NALF2: variants seen among roughly 807,000 people sequenced by gnomAD.
NALF2 encodes the protein bB57D9.1 (TED protein).
In NALF2, 1 loss-of-function variant was observed where a neutral mutation model predicts 24.8. That is an observed-to-expected ratio of 0.04 (90% CI 0.01 to 0.19). The LOEUF is 0.19. Ranked by LOEUF, NALF2 falls within the 10% of genes least tolerant of loss-of-function variation. The probability of loss-of-function intolerance (pLI) is 1.00; values close to 1 mark genes in which losing one functional copy is unlikely to be tolerated. For missense variants in NALF2, 458 were observed against 409.6 expected (o/e 1.12, Z -1.02); for synonymous variants, 254 against 189.8 (o/e 1.34, Z -2.78).
chrX:69,528,390 G>A (rs1277095015), intron 1 of NALF2, among the ~76,000 whole-genome samples: 2 of 111,765 alleles, frequency 1.8e-5, no homozygotes, highest in African/African-American at 6.5e-5. Context: ...CACATGTGTT[G>A]CCTGGTAAGG....
chrX:69,521,664 G>C (rs1930736647), intron 1 of NALF2, among the ~76,000 whole-genome samples: 1 of 112,163 alleles, frequency 8.9e-6, no homozygotes, highest in Non-Finnish European at 1.9e-5. Flanking sequence ...TACTAAAAGT[G>C]AAAAACAGAA....
chrX:69,507,864 A>C (rs977056989), intron 1 of NALF2, among the ~76,000 whole-genome samples: 1 of 111,088 alleles, frequency 9.0e-6, no homozygotes, highest in African/African-American at 3.3e-5. Flanking sequence ...CTCAATCACC[A>C]GTATGAATGA....
At position 69,531,235 on chromosome X, in the gene NALF2, C is replaced by T. The variant is rs975036812; in HGVS notation, c.*1279C>T. ...GCAGGGTCTTCTGCTCCAGTCACCC[C>T]GGCCTCTTGCAAGAGAAAGTCCAGG... On this transcript the variant is annotated 3_prime_UTR_variant, in exon 3 of 3. Coordinates refer to ENST00000252338, the MANE Select transcript of NALF2 (RefSeq NM_015686.3). The T allele has an allele frequency of 4.4e-5, 5 of 113,062 alleles. No homozygotes were observed. The highest frequency in any genetic ancestry group is 1.9e-4 in the Admixed American group (2 of 10,747). 9.3% of individuals were successfully genotyped at this position (113,062 alleles called of 1,213,427 possible). A position where few individuals can be genotyped will look rare whatever the true frequency, so the allele number is the denominator to read the frequency against.
At chrX:69,506,468 C>T (rs1171981876) in intron 1 of NALF2, among the ~76,000 whole-genome samples, 2 of 113,272 alleles carry the variant, frequency 1.8e-5, no homozygotes, top group Non-Finnish European at 3.7e-5. Flanking sequence ...ATTGTGCTCC[C>T]CCCAGCCTCC....
chrX:69,522,806 C>A (rs1930751300), intron 1 of NALF2, among the ~76,000 whole-genome samples: 2 of 112,104 alleles, frequency 1.8e-5, no homozygotes, highest in Non-Finnish European at 3.8e-5. Flanking sequence ...GAGGGGGTTC[C>A]TCACACACTT....
intron 2 of NALF2, 33 bp downstream of exon 2, chrX:69,529,197 G>C: frequency 8.4e-7 from 1 of 1,183,726 alleles, no homozygotes; most frequent in Non-Finnish European, 1.1e-6. Context: ...GAGGGAGGAG[G>C]CCGGGGGCCC....
chrX:69,506,603 G>T (rs1315364268), intron 1 of NALF2, among the ~76,000 whole-genome samples: 1 of 113,210 alleles, frequency 8.8e-6, no homozygotes, highest in Non-Finnish European at 1.9e-5. Context: ...TCACCCTTTG[G>T]CTTCTGCCAG....
rs1461167152 is a variant in NALF2 at position 69,506,082 on chromosome X, T to G, written c.800T>G (p.Val267Gly). The G allele has an allele frequency of 8.3e-7, 1 of 1,209,792 alleles. No homozygotes were observed. The highest frequency in any genetic ancestry group is 1.1e-6 in the Non-Finnish European group (1 of 894,385). ...AQEKYDEFDL[V>G]LHKYLQAEEY... The stretch of plus-strand genomic sequence containing the variant: ...GAAAAATATGACGAGTTCGACCTCG[T>G]GCTGCATAAATACTTACAGGCGGAA... The change falls in exon 1 of 3, where the codon GTG becomes GGG. Residue 267 changes from valine (V) to glycine (G), a missense_variant. Physicochemically the swap from Val to Gly is moderately radical, Grantham distance 109. Coordinates refer to ENST00000252338, the MANE Select transcript of NALF2 (RefSeq NM_015686.3).
At chrX:69,529,506 C>G in intron 2 of NALF2, 65 bp from the exon 3 acceptor site, 4 of 1,143,179 alleles carry the variant, frequency 3.5e-6, no homozygotes, top group Non-Finnish European at 4.6e-6. Context: ...GAAACTTGCT[C>G]CCTAGGTAAG....
Position 69,530,535 on chromosome X carries a change from C to T in NALF2, c.*579C>T, listed in dbSNP as rs1930888738. On this transcript the variant is annotated 3_prime_UTR_variant, in exon 3 of 3. Transcript: ENST00000252338. ...GAGGTGCACACAGTTGCAGCTAGGT[C>T]GGGGCCCCAGTTAAGCTGTGCCCCA... The T allele has an allele frequency of 8.8e-6, 1 of 113,070 alleles. No homozygotes were observed. Among genetic ancestry groups the T allele is most frequent in the African/African-American group, 3.2e-5 (1 of 30,873 alleles). 9.3% of individuals were successfully genotyped at this position (113,070 alleles called of 1,213,427 possible).
At chrX:69,521,549 C>T (rs772437294) in intron 1 of NALF2, among the ~76,000 whole-genome samples, 3 of 112,115 alleles carry the variant, frequency 2.7e-5, no homozygotes, top group Admixed American at 9.4e-5. Context: ...CTACCTCAAA[C>T]GTGCTCAGAA....
At chrX:69,512,453 G>A (rs1930598604) in intron 1 of NALF2, among the ~76,000 whole-genome samples, 1 of 111,607 alleles carries the variant, frequency 9.0e-6, no homozygotes, top group South Asian at 3.8e-4. Flanking sequence ...GCTCCTGCTC[G>A]AATGCATTCT....
intron 1 of NALF2, among the ~76,000 whole-genome samples, chrX:69,522,848 G>A (rs1930752144): frequency 8.9e-6 from 1 of 112,457 alleles, no homozygotes; most frequent in Admixed American, 9.4e-5. Context: ...GTACAAAGAG[G>A]CATCAGGTTA....
chrX:69,514,572 G>C lies in NALF2; in HGVS notation c.861+8429G>C, dbSNP rs983415865. ...GAGTCCCTGCTTTCATTTCTTTTGG[G>C]TTTATATTAATACCTAGGAGTAGAA... On this transcript the variant is annotated intron_variant, in intron 1 of 2. Coordinates refer to ENST00000252338, the MANE Select transcript of NALF2 (RefSeq NM_015686.3). 8.1e-5 allele frequency among the ~76,000 whole-genome samples: 9 copies of C among 111,224 alleles called. 1 individual carries two copies. Among genetic ancestry groups the C allele is most frequent in the Non-Finnish European group, 1.7e-4 (9 of 53,001 alleles).
At chrX:69,513,770 T>C (rs1328363618) in intron 1 of NALF2, among the ~76,000 whole-genome samples, 1 of 111,199 alleles carries the variant, frequency 9.0e-6, no homozygotes, top group African/African-American at 3.3e-5. Flanking sequence ...ACATAAAATA[T>C]ACCATTTCAA....
intron 1 of NALF2, 26 bp from the exon 2 acceptor site, chrX:69,528,967 G>A: frequency 2.5e-6 from 3 of 1,190,758 alleles, no homozygotes; most frequent in Non-Finnish European, 3.4e-6. Flanking sequence ...TGGCACATGG[G>A]CTGATGCTCT....
intron 1 of NALF2, among the ~76,000 whole-genome samples, chrX:69,512,119 G>A (rs1307725856): frequency 8.9e-6 from 1 of 111,733 alleles, no homozygotes; most frequent in African/African-American, 3.3e-5. Context: ...AAAGCCAGGG[G>A]TGGCCCCTGC....
In NALF2 at chrX:69,531,158, CTA is replaced by C. The variant is rs995343430; in HGVS notation, c.*1204_*1205del. 2.7e-5 allele frequency: 3 copies of C among 112,743 alleles called. No individual in the cohort carries two copies. Among genetic ancestry groups the C allele is most frequent in the African/African-American group, 9.7e-5 (3 of 30,911 alleles). 9.3% of individuals were successfully genotyped at this position (112,743 alleles called of 1,213,427 possible). A position where few individuals can be genotyped will look rare whatever the true frequency, so the allele number is the denominator to read the frequency against. On this transcript the variant is annotated 3_prime_UTR_variant, in exon 3 of 3. Coordinates refer to ENST00000252338, the MANE Select transcript of NALF2 (RefSeq NM_015686.3). Reference sequence around the variant, plus strand: ...TATTCACACCTTTCCATCCCTGACTCTATGGGTTACTGTCCCAATTGCGAAAC... The same window carrying C: ...TATTCACACCTTTCCATCCCTGACTCTGGGTTACTGTCCCAATTGCGAAAC...
At position 69,529,097 on chromosome X, in the gene NALF2, G is replaced by T; in HGVS notation, c.966G>T (p.Arg322=). ...CKQYCLEVQT[R]CPFILPDNEE... ...AATACTGCCTGGAGGTGCAGACCCG[G>T]TGCCCCTTTATACTCCCCGACAATG... The change falls in exon 2 of 3, where the codon CGG becomes CGT. Residue 322 remains arginine, a synonymous_variant. Coordinates refer to ENST00000252338, the MANE Select transcript of NALF2 (RefSeq NM_015686.3). 1 of 1,211,138 alleles carries T rather than the reference G, an allele frequency of 8.3e-7. No homozygotes were observed. Among genetic ancestry groups the T allele is most frequent in the Non-Finnish European group, 1.1e-6 (1 of 895,144 alleles).
Sources: gnomAD v4.1 joint callset for allele counts (sites outside exome capture counted in the v4.1 genomes callset) on GRCh38, gnomAD v4.1.1 for gene constraint, MANE v1.5 for transcripts, NCBI Gene and HGNC (gene_info 2026-07-23, HGNC 2026-07-21) for gene names.